ICA1: variants seen among roughly 807,000 people sequenced by gnomAD.
ICA1 encodes the protein islet cell autoantigen 1.
Under a neutral mutation model 71.0 loss-of-function variants are expected in ICA1, and 40 were observed. That is an observed-to-expected ratio of 0.56 (90% CI 0.44 to 0.73). The LOEUF (loss-of-function observed/expected upper bound fraction) is 0.73. Ranked by LOEUF, ICA1 falls within the 30% of genes least tolerant of loss-of-function variation. The pLI is 0.00. For synonymous variants in ICA1, 207 were observed against 209.5 expected (o/e 0.99, Z 0.10); for missense variants, 578 against 576.5 (o/e 1.00, Z -0.03).
intron 6 of ICA1, among the ~76,000 whole-genome samples, chr7:8,175,728 G>A (rs1276946570): frequency 6.6e-6 from 1 of 152,138 alleles, no homozygotes; most frequent in Admixed American, 6.5e-5. Context: ...CGGGGATTAT[G>A]GGTTCAAAAG....
intron 6 of ICA1, among the ~76,000 whole-genome samples, chr7:8,169,825 A>C (rs1807583309): frequency 6.6e-6 from 1 of 151,748 alleles, no homozygotes; most frequent in South Asian, 2.1e-4. Flanking sequence ...TTTTGAAATA[A>C]AAACGTTTTA....
chr7:8,247,322 C>T (rs1413863537), intron 1 of ICA1, among the ~76,000 whole-genome samples: 5 of 151,948 alleles, frequency 3.3e-5, no homozygotes, highest in East Asian at 3.9e-4. Context: ...TAGCTAGACA[C>T]GGTGGCACAC....
chr7:8,192,944 A>C (rs1786199860), intron 6 of ICA1, among the ~76,000 whole-genome samples: 1 of 152,350 alleles, frequency 6.6e-6, no homozygotes, highest in African/African-American at 2.4e-5. Flanking sequence ...CATTTTTGGC[A>C]TGACATGATG....
At chr7:8,187,966 A>C (rs1044604719) in intron 6 of ICA1, among the ~76,000 whole-genome samples, 7 of 152,198 alleles carry the variant, frequency 4.6e-5, no homozygotes, top group African/African-American at 1.7e-4. Context: ...GAAGTTAAGA[A>C]ACCTGCCTGA....
chr7:8,239,975 C>T (rs1046037869), intron 1 of ICA1, among the ~76,000 whole-genome samples: 5 of 152,190 alleles, frequency 3.3e-5, no homozygotes, highest in Admixed American at 6.5e-5. Context: ...GGAAGGGCAT[C>T]GCTGAACAAA....
At chr7:8,143,752 A>C (rs1480547916) in intron 9 of ICA1, 123 bp downstream of exon 9, 1 of 659,874 alleles carries the variant, frequency 1.5e-6, no homozygotes, top group African/African-American at 1.8e-5. Flanking sequence ...TAATACATCT[A>C]CTCTGAGAAG....
intron 6 of ICA1, among the ~76,000 whole-genome samples, chr7:8,187,485 T>C (rs1784269637): frequency 6.6e-6 from 1 of 152,176 alleles, no homozygotes; most frequent in African/African-American, 2.4e-5. Context: ...GGTGAGTGAA[T>C]GTGAAGGCCC....
chr7:8,214,269 G>A (rs866237846), intron 6 of ICA1, among the ~76,000 whole-genome samples: 6 of 152,300 alleles, frequency 3.9e-5, no homozygotes, highest in African/African-American at 7.2e-5. Flanking sequence ...TTCAGGCTGC[G>A]AAAGCTCTGC....
chr7:8,200,887 G>A (rs558158996), intron 6 of ICA1, among the ~76,000 whole-genome samples: 2 of 151,992 alleles, frequency 1.3e-5, no homozygotes, highest in Non-Finnish European at 2.9e-5. Context: ...GTCTAGCTTT[G>A]GCTCCTTTTG....
At chr7:8,168,223 A>C (rs1204316627) in intron 6 of ICA1, among the ~76,000 whole-genome samples, 3 of 152,126 alleles carry the variant, frequency 2.0e-5, no homozygotes, top group African/African-American at 7.2e-5. Context: ...CCTGCTTAGC[A>C]ATTCATATGA....
At chr7:8,217,547 A>C (rs548667285) in intron 6 of ICA1, among the ~76,000 whole-genome samples, 14 of 152,346 alleles carry the variant, frequency 9.2e-5, no homozygotes, top group Middle Eastern at 3.4e-3. Flanking sequence ...CATTTGGCTG[A>C]TTCTTTTTTC....
At chr7:8,125,084 C>A (rs550743442) in intron 13 of ICA1, among the ~76,000 whole-genome samples, 4 of 152,252 alleles carry the variant, frequency 2.6e-5, no homozygotes, top group African/African-American at 9.6e-5. Context: ...CCACCTTGCC[C>A]GGGTGGTAAC....
chr7:8,254,030 T>C (rs980552191), intron 1 of ICA1, among the ~76,000 whole-genome samples: 1 of 152,184 alleles, frequency 6.6e-6, no homozygotes. Context: ...AAAGATGTGA[T>C]CAAGCAATTT....
intron 1 of ICA1, among the ~76,000 whole-genome samples, chr7:8,258,954 T>G (rs147642701): frequency 0.014 from 2,076 of 152,200 alleles, 16 homozygotes; most frequent in Non-Finnish European, 0.023. Context: ...CATAAGATCA[T>G]AGTTGCCAAA....
chr7:8,131,088 T>C (rs1791280652), intron 12 of ICA1, among the ~76,000 whole-genome samples: 1 of 152,174 alleles, frequency 6.6e-6, no homozygotes, highest in African/African-American at 2.4e-5. Flanking sequence ...GAATTTGGTA[T>C]ATAGAAACTT....
chr7:8,221,472 C>G, intron 4 of ICA1, 74 bp from the exon 5 acceptor site: 1 of 1,531,504 alleles, frequency 6.5e-7, no homozygotes, highest in Non-Finnish European at 9.0e-7. Context: ...AAAGACAAAT[C>G]ACAAGGTCCT....
At chr7:8,146,732 T>TGC (rs1331818471) in intron 8 of ICA1, among the ~76,000 whole-genome samples, 6 of 36,168 alleles carry the variant, frequency 1.7e-4, no homozygotes, top group African/African-American at 3.1e-4. Context: ...TGTGCGTGTG[T>TGC]GTGCGTGTGC....
Position 8,173,987 on chromosome 7 carries a change from G to C in ICA1, c.580-15335C>G, listed in dbSNP as rs184617619. 3.4e-3 allele frequency among the ~76,000 whole-genome samples: 523 copies of C among 152,176 alleles called. 4 individuals are homozygous for C. The highest frequency in any genetic ancestry group is 5.9e-3 in the Non-Finnish European group (400 of 67,992). On this transcript the variant is annotated intron_variant, in intron 6 of 13. Coordinates refer to ENST00000402384, the MANE Select transcript of ICA1 (RefSeq NM_001136020.3). This position sits in a 1 kb window ranked among gnomAD's most constrained non-coding sequence, Gnocchi z 4.0. ...CATTGTAAGAAAGATATGAGTGCAG[G>C]GTTTGGAGGGGTAGTAGAGGATTCT...
chr7:8,153,164 G>A (rs549845664), intron 8 of ICA1, among the ~76,000 whole-genome samples: 4 of 152,176 alleles, frequency 2.6e-5, no homozygotes, highest in Non-Finnish European at 5.9e-5. Context: ...CAGAGATTGT[G>A]CTTTTATATA....
Sources: allele counts gnomAD v4.1 joint callset (sites outside exome capture counted in the v4.1 genomes callset), GRCh38; gene constraint gnomAD v4.1.1; non-coding constraint Gnocchi (gnomAD v3.1); transcripts MANE v1.5; gene names NCBI Gene and HGNC (gene_info 2026-07-23, HGNC 2026-07-21).